Variants in CLIP2 observed in about 807,000 individuals in gnomAD.
The protein encoded by CLIP2 is CAP-Gly domain-containing linker protein 2.
CLIP2 carries 41 observed loss-of-function variants against 111.7 expected under a neutral mutation model. That is an observed-to-expected ratio of 0.37 (90% CI 0.29 to 0.48). The LOEUF (loss-of-function observed/expected upper bound fraction) is 0.48. CLIP2 is among the 20% of genes least tolerant of loss of function. The probability of loss-of-function intolerance (pLI) is 0.99; values close to 1 mark genes in which losing one functional copy is unlikely to be tolerated. For missense variants in CLIP2, 1,160 were observed against 1,422.1 expected, an observed-to-expected ratio of 0.82 and a Z score of 2.96; for synonymous variants, 660 against 644.2, an observed-to-expected ratio of 1.02 and a Z score of -0.37.
At chr7:74,360,798 G>A (rs978517390) in intron 7 of CLIP2, among the ~76,000 whole-genome samples, 3 of 152,214 alleles carry the variant, frequency 2.0e-5, no homozygotes, top group Non-Finnish European at 2.9e-5. Context: ...CTATTCACCC[G>A]CCTCGGCCTC....
At position 74,376,752 on chromosome 7, in the gene CLIP2, G is replaced by A. The variant is rs199672192; in HGVS notation, c.2351G>A (p.Arg784Gln). ...AQGKQEVESL[R>Q]EKLLVAENRL... ...GGCAAACAGGAGGTCGAGAGTTTGCGGGAGAAGCTCCTGGTGGCTGAGAAC... is the reference window on the plus strand; with the variant it reads ...GGCAAACAGGAGGTCGAGAGTTTGCAGGAGAAGCTCCTGGTGGCTGAGAAC... The change falls in exon 10 of 17, where the codon CGG becomes CAG. Residue 784 changes from arginine (R) to glutamine (Q), a missense_variant. By Grantham distance (43) the Arg-to-Gln change is conservative. Transcript: ENST00000223398. The surrounding 1 kb of genome is among the most constrained non-coding windows in gnomAD (Gnocchi z 7.1). 2.4e-4 allele frequency: 381 copies of A among 1,612,128 alleles called. No individual in the cohort carries two copies. Among genetic ancestry groups the A allele is most frequent in the South Asian group, 2.0e-3 (181 of 90,612 alleles).
chr7:74,379,778 TAAA>T (rs202201006), intron 10 of CLIP2, among the ~76,000 whole-genome samples: 2 of 149,798 alleles, frequency 1.3e-5, no homozygotes, highest in South Asian at 2.1e-4. Context: ...AAAATAATAA[TAAA>T]AAAACCCCAA....
chr7:74,309,755 G>A (rs1247027790), intron 1 of CLIP2, among the ~76,000 whole-genome samples: 1 of 151,366 alleles, frequency 6.6e-6, no homozygotes, highest in African/African-American at 2.4e-5. Flanking sequence ...CTACTTGGGA[G>A]GTGGAGACAG....
chr7:74,371,208 C>T (rs945432711), intron 8 of CLIP2, among the ~76,000 whole-genome samples: 6 of 144,144 alleles, frequency 4.2e-5, no homozygotes, highest in South Asian at 2.2e-4. Flanking sequence ...CGCGCCACTG[C>T]GCTCCAGCCT....
intron 14 of CLIP2, among the ~76,000 whole-genome samples, chr7:74,397,472 C>T (rs916818264): frequency 3.3e-5 from 5 of 152,038 alleles, no homozygotes; most frequent in Admixed American, 1.3e-4. Context: ...CAAAGGAAAA[C>T]TTCCTATCTG....
At chr7:74,317,438 A>G in intron 1 of CLIP2, 42 bp from the exon 2 acceptor site, 1 of 1,276,434 alleles carries the variant, frequency 7.8e-7, no homozygotes, top group Non-Finnish European at 1.0e-6. Flanking sequence ...TCTGGGGGCC[A>G]TTGGGAAGTG....
chr7:74,360,484 T>C (rs1790297195), intron 7 of CLIP2, among the ~76,000 whole-genome samples: 1 of 152,116 alleles, frequency 6.6e-6, no homozygotes, highest in Admixed American at 6.6e-5. Flanking sequence ...CTGCAGGCAG[T>C]TGGGAGAACT....
At chr7:74,359,608 G>A (rs1325426547) in intron 6 of CLIP2, among the ~76,000 whole-genome samples, 1 of 152,086 alleles carries the variant, frequency 6.6e-6, no homozygotes, top group Non-Finnish European at 1.5e-5. Flanking sequence ...GCCCGCCTTG[G>A]CCTCCCAAAG....
intron 2 of CLIP2, among the ~76,000 whole-genome samples, chr7:74,326,363 G>A (rs1789106776): frequency 6.6e-6 from 1 of 152,150 alleles, no homozygotes; most frequent in East Asian, 1.9e-4. Context: ...GGGGTGCCTG[G>A]GGGACCAAGT....
intron 4 of CLIP2, among the ~76,000 whole-genome samples, chr7:74,354,363 C>A (rs1214801741): frequency 1.3e-5 from 2 of 152,158 alleles, no homozygotes; most frequent in African/African-American, 4.8e-5. Flanking sequence ...CCTGTAATCC[C>A]AGCCTTTTGG....
At chr7:74,323,351 A>G (rs1554730260) in intron 2 of CLIP2, among the ~76,000 whole-genome samples, 1 of 150,642 alleles carries the variant, frequency 6.6e-6, no homozygotes, top group Non-Finnish European at 1.5e-5. Context: ...GGCTCAAGCG[A>G]TCCTCCCACC....
intron 14 of CLIP2, 144 bp downstream of exon 14, chr7:74,397,377 A>G: frequency 1.1e-6 from 1 of 933,092 alleles, no homozygotes; most frequent in South Asian, 1.7e-5. Context: ...GAAATCTTCT[A>G]GGACCACAGG....
At chr7:74,333,141 G>A (rs547762640) in intron 2 of CLIP2, among the ~76,000 whole-genome samples, 1 of 152,276 alleles carries the variant, frequency 6.6e-6, no homozygotes, top group East Asian at 1.9e-4. Flanking sequence ...TTGTCTGGGT[G>A]GGAATCACTG....
chr7:74,356,971 A>G (rs1790165602), intron 5 of CLIP2, among the ~76,000 whole-genome samples: 1 of 152,140 alleles, frequency 6.6e-6, no homozygotes, highest in Admixed American at 6.6e-5. Context: ...TCCAAACCCA[A>G]TCTAGGATTG....
intron 3 of CLIP2, among the ~76,000 whole-genome samples, chr7:74,347,668 T>A (rs1021315359): frequency 6.6e-6 from 1 of 152,186 alleles, no homozygotes; most frequent in African/African-American, 2.4e-5. Flanking sequence ...GAAACTTCTC[T>A]GGAGAAAACA....
intron 8 of CLIP2, among the ~76,000 whole-genome samples, chr7:74,371,198 C>G (rs989854896): frequency 1.4e-5 from 2 of 147,606 alleles, no homozygotes; most frequent in African/African-American, 5.0e-5. Flanking sequence ...GAGCCGAGAT[C>G]GCGCCACTGC....
intron 3 of CLIP2, among the ~76,000 whole-genome samples, chr7:74,343,607 T>C (rs1221473109): frequency 3.3e-5 from 5 of 151,894 alleles, no homozygotes; most frequent in African/African-American, 4.8e-5. Context: ...AGAGAGCTGA[T>C]GGCAGCCGGG....
intron 2 of CLIP2, among the ~76,000 whole-genome samples, chr7:74,323,358 C>A (rs911858043): frequency 6.6e-6 from 1 of 151,666 alleles, no homozygotes; most frequent in African/African-American, 2.4e-5. Flanking sequence ...GCGATCCTCC[C>A]ACCTCAGCCT....
intron 2 of CLIP2, among the ~76,000 whole-genome samples, chr7:74,320,306 G>A (rs897296409): frequency 2.6e-5 from 4 of 151,964 alleles, no homozygotes; most frequent in Non-Finnish European, 5.9e-5. Flanking sequence ...CAGGAGGATC[G>A]CTTGAGCAGT....
Sources: allele counts gnomAD v4.1 joint callset (sites outside exome capture counted in the v4.1 genomes callset), GRCh38; gene constraint gnomAD v4.1.1; non-coding constraint Gnocchi (gnomAD v3.1); transcripts MANE v1.5; gene names NCBI Gene and HGNC (gene_info 2026-07-23, HGNC 2026-07-21).